Variants in ZFPM2 observed in about 807,000 individuals in gnomAD.
The protein encoded by ZFPM2 is zinc finger protein, FOG family member 2.
In ZFPM2, 20 loss-of-function variants were observed where a neutral mutation model predicts 98.6. The ratio of observed to expected loss-of-function variants is 0.20; its 90% CI spans 0.14 to 0.29. The LOEUF is 0.29. Among genes scored for constraint, ZFPM2 ranks in the 10% least tolerant of loss-of-function variants. The probability of loss-of-function intolerance (pLI) is 1.00; values close to 1 mark genes in which losing one functional copy is unlikely to be tolerated. For missense variants in ZFPM2, 1,310 were observed against 1,388.6 expected (o/e 0.94, Z 0.90); for synonymous variants, 518 against 502.7 (o/e 1.03, Z -0.41).
At chr8:105,398,923 C>G (rs1811278876) in intron 1 of ZFPM2, among the ~76,000 whole-genome samples, 1 of 152,114 alleles carries the variant, frequency 6.6e-6, no homozygotes, top group East Asian at 1.9e-4. Flanking sequence ...GTGAAGCCTT[C>G]TGTGAGGAGC....
At chr8:105,790,810 A>G (rs1213053044) in intron 6 of ZFPM2, among the ~76,000 whole-genome samples, 4 of 152,142 alleles carry the variant, frequency 2.6e-5, no homozygotes, top group Non-Finnish European at 4.4e-5. Context: ...GGTCCTTCAC[A>G]TCCCTTGTAA....
chr8:105,444,133 T>C, intron 2 of ZFPM2, 147 bp from the exon 3 acceptor site: 1 of 616,282 alleles, frequency 1.6e-6, no homozygotes, highest in Non-Finnish European at 2.9e-6. Context: ...GATATCAAAA[T>C]AGTCATGAAC....
chr8:105,788,841 A>T lies in ZFPM2; in HGVS notation c.656A>T (p.Tyr219Phe), dbSNP rs1176193285. The T allele has an allele frequency of 1.9e-6, 3 of 1,613,760 alleles. No homozygotes were observed. Among genetic ancestry groups the T allele is most frequent in the Non-Finnish European group, 2.5e-6 (3 of 1,179,862 alleles). Residue 219 changes from tyrosine to phenylalanine, a missense_variant, in exon 6 of 8, where the codon TAC (tyrosine) becomes TTC (phenylalanine). Coordinates refer to ENST00000407775, the MANE Select transcript of ZFPM2 (RefSeq NM_012082.4). ...ASQMTLTEGM[Y>F]PARLLDSIQL... The stretch of plus-strand genomic sequence containing the variant: ...CAGATGACTCTCACAGAAGGGATGT[A>T]CCCTGCACGCCTGCTGGACTCAATT...
chr8:105,771,297 A>C (rs1812974202), intron 5 of ZFPM2, among the ~76,000 whole-genome samples: 1 of 152,138 alleles, frequency 6.6e-6, no homozygotes, highest in Non-Finnish European at 1.5e-5. Context: ...GATATGGGAT[A>C]TAAAACATGG....
intron 3 of ZFPM2, among the ~76,000 whole-genome samples, chr8:105,468,677 A>G (rs1193471557): frequency 6.6e-6 from 1 of 151,882 alleles, no homozygotes; most frequent in Non-Finnish European, 1.5e-5. Context: ...CAGGAAAAAT[A>G]ATAGCTTAAA....
chr8:105,359,296 T>C (rs1035503886), intron 1 of ZFPM2, among the ~76,000 whole-genome samples: 4 of 152,024 alleles, frequency 2.6e-5, no homozygotes, highest in African/African-American at 9.7e-5. Flanking sequence ...GAACTGTGAG[T>C]CAATTAAACC....
At chr8:105,778,653 C>G (rs1004236597) in intron 5 of ZFPM2, among the ~76,000 whole-genome samples, 4 of 152,110 alleles carry the variant, frequency 2.6e-5, no homozygotes, top group African/African-American at 7.2e-5. Context: ...AGTTGACCAT[C>G]TTTTTCCATG....
intron 1 of ZFPM2, among the ~76,000 whole-genome samples, chr8:105,359,069 C>T (rs1812804150): frequency 6.6e-6 from 1 of 152,134 alleles, no homozygotes; most frequent in Non-Finnish European, 1.5e-5. Context: ...TTGTAATCCC[C>T]AAGTGTTGAG....
chr8:105,429,560 T>G (rs906941603), intron 2 of ZFPM2, among the ~76,000 whole-genome samples: 1 of 151,784 alleles, frequency 6.6e-6, no homozygotes, highest in Non-Finnish European at 1.5e-5. Flanking sequence ...TGGAAACCAC[T>G]CACCAGCACG....
chr8:105,617,594 C>T (rs866367870), intron 4 of ZFPM2, among the ~76,000 whole-genome samples: 3 of 152,224 alleles, frequency 2.0e-5, no homozygotes, highest in African/African-American at 4.8e-5. Context: ...ATACTGATGC[C>T]TCACCACAAA....
chr8:105,789,649 G>C (rs1257699994), intron 6 of ZFPM2, among the ~76,000 whole-genome samples: 1 of 151,840 alleles, frequency 6.6e-6, no homozygotes, highest in African/African-American at 2.4e-5. Context: ...AGATCCCTGA[G>C]GAATCGCCAC....
intron 5 of ZFPM2, among the ~76,000 whole-genome samples, chr8:105,702,548 C>T (rs1031488528): frequency 2.0e-5 from 3 of 152,164 alleles, no homozygotes; most frequent in Non-Finnish European, 2.9e-5. Flanking sequence ...ATTTTAAGAA[C>T]AGAGCTTTTC....
At chr8:105,470,143 C>A (rs1433578010) in intron 3 of ZFPM2, among the ~76,000 whole-genome samples, 1 of 152,188 alleles carries the variant, frequency 6.6e-6, no homozygotes, top group East Asian at 1.9e-4. Flanking sequence ...CCTCTCTACT[C>A]TTCCTTTCTC....
At chr8:105,432,628 C>T (rs1437040057) in intron 2 of ZFPM2, among the ~76,000 whole-genome samples, 1 of 152,066 alleles carries the variant, frequency 6.6e-6, no homozygotes, top group African/African-American at 2.4e-5. Context: ...ATTTAGAGAC[C>T]ATAAGGTGTT....
intron 5 of ZFPM2, among the ~76,000 whole-genome samples, chr8:105,688,055 T>G (rs1810782437): frequency 6.6e-6 from 1 of 152,020 alleles, no homozygotes; most frequent in Non-Finnish European, 1.5e-5. Context: ...GAAAATGGGT[T>G]CATGAATAAC....
chr8:105,676,533 C>T (rs1047126542), intron 5 of ZFPM2, among the ~76,000 whole-genome samples: 7 of 151,562 alleles, frequency 4.6e-5, no homozygotes, highest in African/African-American at 1.5e-4. Flanking sequence ...ACTGTTTCAG[C>T]GTCAGCATTC....
intron 2 of ZFPM2, among the ~76,000 whole-genome samples, chr8:105,441,503 C>CGAAAA (rs1563660188): frequency 1.9e-5 from 1 of 53,392 alleles, no homozygotes. Flanking sequence ...AGAAAGAAAT[C>CGAAAA]AAAGCCCAGG....
chr8:105,466,564 G>A (rs1026123214), intron 3 of ZFPM2, among the ~76,000 whole-genome samples: 3 of 152,014 alleles, frequency 2.0e-5, no homozygotes, highest in African/African-American at 4.8e-5. Context: ...CATACTTTTC[G>A]TTGTTATTCC....
At chr8:105,790,689 T>C (rs1405505734) in intron 6 of ZFPM2, among the ~76,000 whole-genome samples, 1 of 152,216 alleles carries the variant, frequency 6.6e-6, no homozygotes, top group African/African-American at 2.4e-5. Context: ...TTGGGCAGTA[T>C]GGCCATTTTC....
Sources: allele counts gnomAD v4.1 joint callset (sites outside exome capture counted in the v4.1 genomes callset), GRCh38; gene constraint gnomAD v4.1.1; transcripts MANE v1.5; gene names NCBI Gene and HGNC (gene_info 2026-07-23, HGNC 2026-07-21).